The following KATNAL1 variants were observed in gnomAD, a reference collection of about 807,000 sequenced individuals.
KATNAL1 encodes katanin p60 ATPase-containing subunit A-like 1.
KATNAL1 carries 32 observed loss-of-function variants against 55.2 expected under a neutral mutation model. That is an observed-to-expected ratio of 0.58 (90% CI 0.44 to 0.78). The LOEUF is 0.78. Ranked by LOEUF, KATNAL1 falls within the 30% of genes least tolerant of loss-of-function variation. The pLI is 0.00. For missense variants in KATNAL1, 466 were observed against 600.9 expected (o/e 0.78, Z 2.35); for synonymous variants, 193 against 193.6 (o/e 1.00, Z 0.02).
chr13:30,215,485 T>C (rs538156990), intron 9 of KATNAL1, among the ~76,000 whole-genome samples: 4 of 152,284 alleles, frequency 2.6e-5, no homozygotes, highest in Admixed American at 1.3e-4. Flanking sequence ...CGTATGTTTA[T>C]TGTGGCATTA....
intron 10 of KATNAL1, among the ~76,000 whole-genome samples, chr13:30,209,137 T>G (rs1286177033): frequency 6.6e-6 from 1 of 152,194 alleles, no homozygotes; most frequent in Non-Finnish European, 1.5e-5. Context: ...ACAGCCTAAA[T>G]AGAGGAATAA....
chr13:30,277,070 C>G (rs1317708329), intron 3 of KATNAL1, among the ~76,000 whole-genome samples: 1 of 152,156 alleles, frequency 6.6e-6, no homozygotes, highest in Non-Finnish European at 1.5e-5. Context: ...TGAAAATAAT[C>G]ACCAACTGCT....
chr13:30,263,543 T>C (rs1295148649), intron 3 of KATNAL1, among the ~76,000 whole-genome samples: 1 of 152,096 alleles, frequency 6.6e-6, no homozygotes, highest in Non-Finnish European at 1.5e-5. Flanking sequence ...AAAATCAATG[T>C]ACAAAAATCA....
intron 1 of KATNAL1, chr13:30,296,690 G>T: frequency 1.6e-6 from 1 of 634,406 alleles, no homozygotes; most frequent in African/African-American, 1.8e-5. Flanking sequence ...ACACAATTAA[G>T]CTCAACGTGG....
intron 4 of KATNAL1, among the ~76,000 whole-genome samples, chr13:30,241,536 T>C (rs1877280837): frequency 6.6e-6 from 1 of 152,228 alleles, no homozygotes; most frequent in South Asian, 2.1e-4. Flanking sequence ...TTTTATGCTA[T>C]GGTTTCTATG....
At chr13:30,215,490 G>C (rs1047454127) in intron 9 of KATNAL1, among the ~76,000 whole-genome samples, 3 of 152,148 alleles carry the variant, frequency 2.0e-5, no homozygotes, top group Non-Finnish European at 4.4e-5. Context: ...GTTTATTGTG[G>C]CATTATTCAC....
chr13:30,209,569 T>C (rs145005977), intron 10 of KATNAL1, among the ~76,000 whole-genome samples: 140 of 152,372 alleles, frequency 9.2e-4, no homozygotes, highest in Non-Finnish European at 1.6e-3. Flanking sequence ...TGACAGGAAC[T>C]GTCTAAAACT....
In KATNAL1 at chr13:30,283,711, C is replaced by T. The variant is rs561159741; in HGVS notation, c.67G>A (p.Asp23Asn). The change falls in exon 2 of 11, where the codon GAC (aspartate) becomes AAC (asparagine). Residue 23 changes from aspartate to asparagine, a missense_variant. By Grantham distance (23) the Asp-to-Asn change is conservative (BLOSUM62 1). Around this residue, in one of 3 missense-constraint regions of KATNAL1, gnomAD observed 248 missense variants for 275.5 expected, o/e 0.90. Transcript: ENST00000380615. ...GREYALLGNY[D>N]SSMVYYQGVM... The stretch of plus-strand genomic sequence containing the variant: ...CCCTGGTAATATACCATTGATGAGT[C>T]GTAATTTCCAAGAAGGGCATATTCT... 2.5e-6 allele frequency: 4 copies of T among 1,613,776 alleles called. No individual in the cohort carries two copies. Among genetic ancestry groups the T allele is most frequent in the African/African-American group, 1.3e-5 (1 of 75,006 alleles).
chr13:30,219,262 G>C (rs1830929690), intron 9 of KATNAL1, among the ~76,000 whole-genome samples: 1 of 151,516 alleles, frequency 6.6e-6, no homozygotes, highest in Non-Finnish European at 1.5e-5. Context: ...TTTATTTATT[G>C]TTCAATCTCT....
chr13:30,293,377 A>AC (rs533111978), intron 1 of KATNAL1, among the ~76,000 whole-genome samples: 6 of 152,286 alleles, frequency 3.9e-5, no homozygotes, highest in African/African-American at 1.4e-4. Context: ...TACACTGTGC[A>AC]CATACACTGT....
At chr13:30,226,343 C>G (rs2137383532) in intron 9 of KATNAL1, among the ~76,000 whole-genome samples, 1 of 152,208 alleles carries the variant, frequency 6.6e-6, no homozygotes, top group South Asian at 2.1e-4. Context: ...CAGCTTTATT[C>G]ATAATAGCCA....
At chr13:30,263,638 G>A (rs1354543676) in intron 3 of KATNAL1, among the ~76,000 whole-genome samples, 1 of 151,590 alleles carries the variant, frequency 6.6e-6, no homozygotes, top group Non-Finnish European at 1.5e-5. Context: ...GCTTCAAAGA[G>A]AATAAAATAC....
At chr13:30,255,972 A>C (rs1049040208) in intron 3 of KATNAL1, among the ~76,000 whole-genome samples, 3 of 152,238 alleles carry the variant, frequency 2.0e-5, no homozygotes, top group Admixed American at 2.0e-4. Flanking sequence ...TCCTAAACCA[A>C]GAATAAGTAA....
chr13:30,282,505 G>A (rs974092221), intron 2 of KATNAL1, among the ~76,000 whole-genome samples: 7 of 152,008 alleles, frequency 4.6e-5, no homozygotes, highest in African/African-American at 1.7e-4. Flanking sequence ...GGACATGGTG[G>A]TGTGAACCTG....
intron 9 of KATNAL1, among the ~76,000 whole-genome samples, chr13:30,214,754 C>G (rs1030497653): frequency 5.3e-5 from 8 of 152,022 alleles, no homozygotes; most frequent in African/African-American, 7.2e-5. Flanking sequence ...CTTCCTTACA[C>G]CTTATACAAA....
At chr13:30,223,518 C>A (rs1377918372) in intron 9 of KATNAL1, among the ~76,000 whole-genome samples, 2 of 144,262 alleles carry the variant, frequency 1.4e-5, no homozygotes, top group African/African-American at 5.1e-5. Context: ...AGATAAAAAG[C>A]AGATATAGCA....
At chr13:30,302,020 C>T (rs529449090) in intron 1 of KATNAL1, among the ~76,000 whole-genome samples, 33 of 152,116 alleles carry the variant, frequency 2.2e-4, no homozygotes, top group Non-Finnish European at 3.4e-4. Flanking sequence ...CACGGGTGTG[C>T]GCAGCCACGC....
chr13:30,257,882 T>G (rs779836785), intron 3 of KATNAL1, among the ~76,000 whole-genome samples: 7 of 152,360 alleles, frequency 4.6e-5, no homozygotes, highest in Non-Finnish European at 7.4e-5. Context: ...AATTGGATAT[T>G]ACATTTGTAA....
At chr13:30,257,023 A>G (rs1412226459) in intron 3 of KATNAL1, among the ~76,000 whole-genome samples, 1 of 152,254 alleles carries the variant, frequency 6.6e-6, no homozygotes, top group Non-Finnish European at 1.5e-5. Context: ...TTTAAAATTT[A>G]AAGTATTATT....
Sources: gnomAD v4.1 joint callset for allele counts (sites outside exome capture counted in the v4.1 genomes callset) on GRCh38, gnomAD v4.1.1 for gene constraint, gnomAD v4.1.1 regional missense constraint, MANE v1.5 for transcripts, NCBI Gene and HGNC (gene_info 2026-07-23, HGNC 2026-07-21) for gene names.